Variants in CYP20A1 observed in about 807,000 individuals in gnomAD.
CYP20A1 encodes cytochrome P450 family 20 subfamily A member 1, also known as cytochrome P450 20A1.
Under a neutral mutation model 61.4 loss-of-function variants are expected in CYP20A1, and 61 were observed. That is an observed-to-expected ratio of 0.99 (90% CI 0.81 to 1.23). The LOEUF (loss-of-function observed/expected upper bound fraction) is 1.23, where lower values mean the gene tolerates loss of function less well. Among genes scored for constraint, CYP20A1 ranks in the 50% most tolerant of loss-of-function variants. The pLI is 0.00. For missense variants in CYP20A1, 530 were observed against 542.4 expected (o/e 0.98, Z 0.23); for synonymous variants, 193 against 188.2 (o/e 1.03, Z -0.21).
Position 203,304,756 on chromosome 2 carries a change from C to T in CYP20A1, c.*7848C>T, listed in dbSNP as rs759971286. 1.3e-5 allele frequency among the ~76,000 whole-genome samples: 2 copies of T among 151,984 alleles called. No individual in the cohort carries two copies. The highest frequency in any genetic ancestry group is 1.3e-4 in the Admixed American group (2 of 15,244). Reference sequence around the variant, plus strand: ...TTTGAGACTAGCCTAGGCAACATGGCGAAACTGCATCTCTACAAAAAATAC... The same window carrying T: ...TTTGAGACTAGCCTAGGCAACATGGTGAAACTGCATCTCTACAAAAAATAC... On this transcript the variant is annotated 3_prime_UTR_variant, in exon 13 of 13. Transcript: ENST00000356079.
chr2:203,267,843 CAAAAA>C (rs1250683399), intron 5 of CYP20A1, among the ~76,000 whole-genome samples: 1 of 77,138 alleles, frequency 1.3e-5, no homozygotes, highest in Non-Finnish European at 2.7e-5. Flanking sequence ...GAGTCCATCT[CAAAAA>C]AAAAAAAAAA....
intron 11 of CYP20A1, 109 bp from the exon 12 acceptor site, chr2:203,296,365 T>C: frequency 3.3e-6 from 2 of 609,372 alleles, no homozygotes; most frequent in Non-Finnish European, 5.7e-6. Flanking sequence ...AAGAGCACTT[T>C]CTATTTTCAG....
intron 11 of CYP20A1, among the ~76,000 whole-genome samples, chr2:203,292,850 C>G (rs2068597631): frequency 6.6e-6 from 1 of 151,966 alleles, no homozygotes; most frequent in Non-Finnish European, 1.5e-5. Context: ...CACTTTTATA[C>G]TAAGTGAAAA....
rs567155671 is a variant in CYP20A1 at position 203,298,469 on chromosome 2, A to G, written c.*1561A>G. On this transcript the variant is annotated 3_prime_UTR_variant, in exon 13 of 13. Transcript: ENST00000356079. ...TTGGGAGGCCGAGGCAGGTGGATCA[A>G]TTGAGGTCAGGTGTTCGAGACCAGC... Among the ~76,000 whole-genome samples the G allele has an allele frequency of 5.3e-5, 8 of 149,678 alleles. No homozygotes were observed. The highest frequency in any genetic ancestry group is 3.4e-4 in the Admixed American group (5 of 14,738).
Position 203,304,551 on chromosome 2 carries a change from G to A in CYP20A1, c.*7643G>A, listed in dbSNP as rs6435182. On this transcript the variant is annotated 3_prime_UTR_variant, in exon 13 of 13. Transcript: ENST00000356079. The stretch of plus-strand genomic sequence containing the variant: ...ATGCTACCAACCTAAACACATTTCT[G>A]TGACTGTTTATATTTTTCCCTGTTC... Among the ~76,000 whole-genome samples the A allele has an allele frequency of 0.89, 135,907 of 151,910 alleles. 61,616 individuals carry two copies. The highest frequency in any genetic ancestry group is 0.96 in the Non-Finnish European group (65,458 of 67,966).
chr2:203,246,630 C>A, intron 2 of CYP20A1, 125 bp from the exon 3 acceptor site: 3 of 928,136 alleles, frequency 3.2e-6, no homozygotes, highest in Non-Finnish European at 4.9e-6. Context: ...TTGGATTTTG[C>A]AGTAATTTGA....
chr2:203,271,082 A>ATTTTTTTTTTTTTT lies in CYP20A1; in HGVS notation c.601-1578_601-1565dup, dbSNP rs1161241853. ...TATATATATATATATATATATATAT[A>ATTTTTTTTTTTTTT]TTTTTTTTTTTTTTTTTTTTTTTGA... On this transcript the variant is annotated intron_variant, in intron 5 of 12. Transcript: ENST00000356079. Among the ~76,000 whole-genome samples the ATTTTTTTTTTTTTT allele has an allele frequency of 2.8e-4, 9 of 31,642 alleles. 2 individuals are homozygous for ATTTTTTTTTTTTTT. The highest frequency in any genetic ancestry group is 3.5e-4 in the Non-Finnish European group (6 of 17,130). 20.8% of individuals were successfully genotyped at this position (31,642 alleles called of 152,430 possible).
intron 4 of CYP20A1, among the ~76,000 whole-genome samples, chr2:203,261,334 G>T (rs2152069495): frequency 6.6e-6 from 1 of 152,010 alleles, no homozygotes; most frequent in East Asian, 1.9e-4. Context: ...GAGGTGGGAG[G>T]ATTGCTTGAG....
chr2:203,280,161 G>C (rs938046972), intron 8 of CYP20A1, 48 bp downstream of exon 8: 4 of 1,456,726 alleles, frequency 2.7e-6, no homozygotes, highest in Admixed American at 1.8e-5. Context: ...AAATATATAG[G>C]CTGAGCACAG....
Position 203,304,020 on chromosome 2 carries a change from G to A in CYP20A1, c.*7112G>A, listed in dbSNP as rs1300853423. On this transcript the variant is annotated 3_prime_UTR_variant, in exon 13 of 13. Transcript: ENST00000356079. ...GTATAACTTGAGGTCAGGAGTTCAA[G>A]AACAGCCTGGCCAACATGGGGAAAC... Among the ~76,000 whole-genome samples the A allele has an allele frequency of 6.6e-6, 1 of 152,054 alleles. No individual in the cohort carries two copies. The highest frequency in any genetic ancestry group is 1.5e-5 in the Non-Finnish European group (1 of 67,998).
At chr2:203,286,409 T>A (rs2068272275) in intron 9 of CYP20A1, among the ~76,000 whole-genome samples, 1 of 48,228 alleles carries the variant, frequency 2.1e-5, no homozygotes, top group African/African-American at 5.4e-5. Flanking sequence ...CTACACAAAG[T>A]CCTGTTTGCA....
At chr2:203,263,238 C>T (rs2067204096) in intron 4 of CYP20A1, among the ~76,000 whole-genome samples, 1 of 151,558 alleles carries the variant, frequency 6.6e-6, no homozygotes, top group African/African-American at 2.4e-5. Flanking sequence ...ATCAGCCCAC[C>T]TCGGCCTCCC....
chr2:203,294,373 A>G (rs2068681310), intron 11 of CYP20A1, among the ~76,000 whole-genome samples: 1 of 151,672 alleles, frequency 6.6e-6, no homozygotes, highest in Non-Finnish European at 1.5e-5. Flanking sequence ...CCCCTTCTCT[A>G]CTAAAAATGC....
At chr2:203,264,173 G>T (rs1179367119) in intron 4 of CYP20A1, among the ~76,000 whole-genome samples, 1 of 151,880 alleles carries the variant, frequency 6.6e-6, no homozygotes, top group Non-Finnish European at 1.5e-5. Flanking sequence ...TTTTTGTAGA[G>T]TTGAGGTATC....
chr2:203,260,766 A>T (rs2067104038), intron 4 of CYP20A1, among the ~76,000 whole-genome samples: 1 of 152,022 alleles, frequency 6.6e-6, no homozygotes, highest in Non-Finnish European at 1.5e-5. Flanking sequence ...TCAAGCCATC[A>T]TCTGTCCTTG....
intron 3 of CYP20A1, among the ~76,000 whole-genome samples, chr2:203,251,253 G>A (rs2066660162): frequency 1.3e-5 from 2 of 151,102 alleles, no homozygotes. Flanking sequence ...ATAAATTTTT[G>A]AATCCAGCTA....
Position 203,291,262 on chromosome 2 carries a change from C to T in CYP20A1, c.1084-1000C>T, listed in dbSNP as rs2068521723. 2.0e-5 allele frequency among the ~76,000 whole-genome samples: 3 copies of T among 152,062 alleles called. No individual in the cohort carries two copies. The South Asian group carries it at 6.2e-4, about 32-fold the overall frequency. On this transcript the variant is annotated intron_variant, in intron 10 of 12. Coordinates refer to ENST00000356079, the MANE Select transcript of CYP20A1 (RefSeq NM_177538.3). ...ATGTTGTCCAGGCTGATATGGAACT[C>T]CTGGGCTCAAGTGATCCTCCTACCT...
intron 9 of CYP20A1, 79 bp downstream of exon 9, chr2:203,285,811 T>TC: frequency 2.3e-6 from 3 of 1,291,318 alleles, no homozygotes; most frequent in African/African-American, 1.5e-5. Flanking sequence ...ATTGTTGCTA[T>TC]CTAGGAAAGC....
Position 203,296,986 on chromosome 2 carries a change from T to C in CYP20A1, c.*78T>C. On this transcript the variant is annotated 3_prime_UTR_variant, in exon 13 of 13. Coordinates refer to ENST00000356079, the MANE Select transcript of CYP20A1 (RefSeq NM_177538.3). ...AAAAAAAATCTATGTTGAATCCTTT[T>C]ATAAACCAGTATCACTTTGTAATAT... The C allele has an allele frequency of 2.5e-6, 2 of 807,792 alleles. No individual in the cohort carries two copies. The highest frequency in any genetic ancestry group is 3.8e-6 in the Non-Finnish European group (2 of 525,074). The allele number at this position is 807,792 out of a possible 1,614,324, so 50.0% of individuals were successfully genotyped here.
Sources: gnomAD v4.1 joint callset for allele counts (sites outside exome capture counted in the v4.1 genomes callset) on GRCh38, gnomAD v4.1.1 for gene constraint, MANE v1.5 for transcripts, NCBI Gene and HGNC (gene_info 2026-07-23, HGNC 2026-07-21) for gene names.